Variants in CDK13 observed in about 807,000 individuals in gnomAD.
CDK13 encodes the protein cyclin-dependent kinase 13.
In CDK13, 40 loss-of-function variants were observed where a neutral mutation model predicts 137.6. That is an observed-to-expected ratio of 0.29 (90% CI 0.23 to 0.38). The LOEUF (loss-of-function observed/expected upper bound fraction) is 0.38, where lower values mean the gene tolerates loss of function less well. Among genes scored for constraint, CDK13 ranks in the 10% least tolerant of loss-of-function variants. The pLI, the probability that CDK13 is intolerant of heterozygous loss-of-function variation, is 1.00. For synonymous variants in CDK13, 869 were observed against 760.1 expected (o/e 1.14, Z -2.36); for missense variants, 1,704 against 1,951.8 (o/e 0.87, Z 2.39).
chr7:40,085,645 C>T (rs1786772481), intron 11 of CDK13: 1 of 152,546 alleles, frequency 6.6e-6, no homozygotes, highest in Non-Finnish European at 1.5e-5. Context: ...TTTATGATGC[C>T]TGAAAGCTTC....
intron 12 of CDK13, among the ~76,000 whole-genome samples, chr7:40,090,988 A>T (rs1308954707): frequency 6.6e-6 from 1 of 151,554 alleles, no homozygotes; most frequent in Non-Finnish European, 1.5e-5. Context: ...AGGTGGATGG[A>T]TCACCTGAGG....
At chr7:40,091,970 CTG>C (rs1786934362) in intron 12 of CDK13, among the ~76,000 whole-genome samples, 1 of 152,082 alleles carries the variant, frequency 6.6e-6, no homozygotes, top group South Asian at 2.1e-4. Context: ...GAGGGAGGAC[CTG>C]TGTAAATTAT....
chr7:40,074,051 G>A (rs778645095), intron 9 of CDK13, among the ~76,000 whole-genome samples: 1 of 151,900 alleles, frequency 6.6e-6, no homozygotes, highest in South Asian at 2.1e-4. Flanking sequence ...ACAGGTGTGC[G>A]CCACCATGCC....
intron 2 of CDK13, among the ~76,000 whole-genome samples, chr7:39,992,109 A>ACACG (rs1554325702): frequency 8.2e-6 from 1 of 122,034 alleles, no homozygotes; most frequent in Non-Finnish European, 1.5e-5. Context: ...ACACACGCAC[A>ACACG]CACACACACA....
chr7:39,959,304 G>A (rs1239107002), intron 1 of CDK13, among the ~76,000 whole-genome samples: 6 of 151,558 alleles, frequency 4.0e-5, no homozygotes, highest in Non-Finnish European at 8.8e-5. Flanking sequence ...TGGGATTACA[G>A]GCATGCGCCA....
At chr7:40,029,435 A>T (rs568008931) in intron 5 of CDK13, among the ~76,000 whole-genome samples, 1 of 151,052 alleles carries the variant, frequency 6.6e-6, no homozygotes, top group Admixed American at 6.6e-5. Flanking sequence ...AAAAAAAAAA[A>T]TTTAGTCCGG....
chr7:39,975,650 C>T (rs1784089067), intron 1 of CDK13, among the ~76,000 whole-genome samples: 1 of 152,088 alleles, frequency 6.6e-6, no homozygotes, highest in African/African-American at 2.4e-5. Context: ...AGAGAGCCCG[C>T]CATGTGATGA....
intron 2 of CDK13, among the ~76,000 whole-genome samples, chr7:39,992,991 C>A (rs549018024): frequency 1.0e-3 from 155 of 152,236 alleles, no homozygotes; most frequent in Non-Finnish European, 1.9e-3. Context: ...ACGTTAAGGT[C>A]TCTCCATATA....
Position 40,013,315 on chromosome 7 carries a change from TGTG to T in CDK13, c.2353+11286_2353+11288del, listed in dbSNP as rs1193436055. Among the ~76,000 whole-genome samples the T allele has an allele frequency of 3.3e-5, 5 of 152,204 alleles. No homozygotes were observed. The East Asian group carries it at 9.7e-4, about 29-fold the overall frequency. On this transcript the variant is annotated intron_variant, in intron 5 of 13. Transcript: ENST00000181839. ...TTCAGTTTTGCAAGATTAAAAGAGT[TGTG>T]GAGAGGGGTGGTAGTCATGGTTGCA...
intron 1 of CDK13, among the ~76,000 whole-genome samples, chr7:39,954,183 C>T (rs1787332270): frequency 6.6e-6 from 1 of 151,994 alleles, no homozygotes; most frequent in Non-Finnish European, 1.5e-5. Context: ...GTCTTCTAGA[C>T]TAAAAAACTC....
chr7:40,094,263 T>G lies in CDK13; in HGVS notation c.3822T>G (p.Asp1274Glu), dbSNP rs1407952710. Residue 1274 changes from aspartate to glutamate, a missense_variant, in exon 14 of 14, where the codon GAT becomes GAG. Asp to Glu is a conservative substitution (Grantham distance 45, BLOSUM62 2). Coordinates refer to ENST00000181839, the MANE Select transcript of CDK13 (RefSeq NM_003718.5). ...AACCACCACCAGTCACTGAGGAAGATCTAGATTATCGGACAGAAAACCAGC... is the reference window on the plus strand; with the variant it reads ...AACCACCACCAGTCACTGAGGAAGAGCTAGATTATCGGACAGAAAACCAGC... The part of the protein sequence containing the change: ...PPEPPPVTEE[D>E]LDYRTENQHV... 1 of 1,612,592 alleles carries G rather than the reference T, an allele frequency of 6.2e-7. No individual in the cohort carries two copies. Among genetic ancestry groups the G allele is most frequent in the African/African-American group, 1.3e-5 (1 of 74,882 alleles).
At chr7:40,004,846 C>G (rs982804754) in intron 5 of CDK13, among the ~76,000 whole-genome samples, 1 of 152,128 alleles carries the variant, frequency 6.6e-6, no homozygotes, top group African/African-American at 2.4e-5. Flanking sequence ...ACTGTTATAA[C>G]TAACTAAGCT....
intron 12 of CDK13, chr7:40,092,496 T>G: frequency 2.9e-6 from 1 of 348,958 alleles, no homozygotes; most frequent in Non-Finnish European, 5.2e-6. Context: ...CACAATGTGC[T>G]GTTTCCTGGT....
chr7:39,976,801 A>T (rs1242863764), intron 1 of CDK13, among the ~76,000 whole-genome samples: 1 of 152,222 alleles, frequency 6.6e-6, no homozygotes, highest in Admixed American at 6.5e-5. Context: ...AACATATCTT[A>T]TTATACCGTA....
rs143271914 is a variant in CDK13 at position 39,951,283 on chromosome 7, C to T, written c.642C>T (p.Arg214=). The change falls in exon 1 of 14, where the codon CGC becomes CGT. Residue 214 remains arginine, a synonymous_variant. Coordinates refer to ENST00000181839, the MANE Select transcript of CDK13 (RefSeq NM_003718.5). ...GTGGCCGCAGCAAGGAGCGCCACCG[C>T]GAGCACCGGCGGCGGGATGGGCAGC... ...SSSGRSKERH[R]EHRRRDGQRG... 1,644 of 1,362,130 alleles carry T rather than the reference C, an allele frequency of 1.2e-3. 15 individuals are homozygous for T. In the East Asian group the frequency reaches 0.012, roughly 10 times the overall value. 84.4% of individuals were successfully genotyped at this position (1,362,130 alleles called of 1,614,324 possible).
chr7:40,022,537 A>G (rs1785149083), intron 5 of CDK13, among the ~76,000 whole-genome samples: 1 of 152,150 alleles, frequency 6.6e-6, no homozygotes, highest in African/African-American at 2.4e-5. Flanking sequence ...TTGAGCACCA[A>G]TTATATACCA....
At chr7:40,092,716 C>A in intron 12 of CDK13, 69 bp from the exon 13 acceptor site, 2 of 1,096,768 alleles carry the variant, frequency 1.8e-6, no homozygotes, top group Non-Finnish European at 2.7e-6. Flanking sequence ...TAATACAGAG[C>A]CATTTTGGTG....
At chr7:39,968,485 C>T (rs919243213) in intron 1 of CDK13, among the ~76,000 whole-genome samples, 22 of 152,196 alleles carry the variant, frequency 1.4e-4, no homozygotes, top group African/African-American at 4.1e-4. Flanking sequence ...GCAGTCCTCC[C>T]GCCTAGCCTC....
intron 7 of CDK13, chr7:40,061,852 T>C (rs1022666599): frequency 5.9e-5 from 9 of 152,250 alleles, no homozygotes; most frequent in Admixed American, 5.9e-4. Flanking sequence ...CTGACCCTAA[T>C]ATAACTTGAC....
Sources: gnomAD v4.1 joint callset for allele counts (sites outside exome capture counted in the v4.1 genomes callset) on GRCh38, gnomAD v4.1.1 for gene constraint, MANE v1.5 for transcripts, NCBI Gene and HGNC (gene_info 2026-07-23, HGNC 2026-07-21) for gene names.